Variants in TRIM71 observed in about 807,000 individuals in gnomAD.
TRIM71 encodes the protein E3 ubiquitin-protein ligase TRIM71.
In TRIM71, 9 loss-of-function variants were observed where a neutral mutation model predicts 61.2. That is an observed-to-expected ratio of 0.15 (90% CI 0.09 to 0.26). The LOEUF (loss-of-function observed/expected upper bound fraction) is 0.26. Ranked by LOEUF, TRIM71 falls within the 10% of genes least tolerant of loss-of-function variation. The pLI is 1.00. For missense variants in TRIM71, 998 were observed against 1,238.7 expected, an observed-to-expected ratio of 0.81 and a Z score of 2.92; for synonymous variants, 645 against 553.2, an observed-to-expected ratio of 1.17 and a Z score of -2.33.
rs369755706 is a variant in TRIM71, at chr3:32,827,268, C to CTTTTTT, written c.852+8345_852+8350dup. Among the ~76,000 whole-genome samples the CTTTTTT allele has an allele frequency of 3.9e-5, 5 of 129,708 alleles. 1 individual carries two copies. Among genetic ancestry groups the CTTTTTT allele is most frequent in the South Asian group, 2.5e-4 (1 of 3,922 alleles). 85.1% of individuals were successfully genotyped at this position (129,708 alleles called of 152,430 possible). On this transcript the variant is annotated intron_variant, in intron 1 of 3. Coordinates refer to ENST00000383763, the MANE Select transcript of TRIM71 (RefSeq NM_001039111.3). Reference sequence around the variant, plus strand: ...TGTCATGAAGGGTAGGGGGATAATTCTTTTTTTTTTTTTTGGGTGGAGTCT... The same window carrying CTTTTTT: ...TGTCATGAAGGGTAGGGGGATAATTCTTTTTTTTTTTTTTTTTTTTGGGTGGAGTCT...
At chr3:32,866,803 G>A (rs1393148901) in intron 1 of TRIM71, among the ~76,000 whole-genome samples, 2 of 152,150 alleles carry the variant, frequency 1.3e-5, no homozygotes, top group African/African-American at 4.8e-5. Context: ...GCAGGGGCTT[G>A]CGAGGTGTGG....
chr3:32,868,054 A>C (rs1207791828), intron 1 of TRIM71, among the ~76,000 whole-genome samples: 1 of 152,188 alleles, frequency 6.6e-6, no homozygotes, highest in Non-Finnish European at 1.5e-5. Context: ...CAACACAACA[A>C]GACTTTTTCT....
chr3:32,842,236 T>A (rs906911516), intron 1 of TRIM71, among the ~76,000 whole-genome samples: 1 of 152,210 alleles, frequency 6.6e-6, no homozygotes, highest in Admixed American at 6.5e-5. Context: ...GGCATAATTA[T>A]TTATTGTTGG....
intron 1 of TRIM71, among the ~76,000 whole-genome samples, chr3:32,846,137 G>A (rs1430474646): frequency 2.8e-5 from 4 of 144,580 alleles, no homozygotes; most frequent in Non-Finnish European, 4.5e-5. Flanking sequence ...GTGCAGTGGC[G>A]CGATCTTGGC....
chr3:32,889,840 T>C (rs1317861285), intron 3 of TRIM71, among the ~76,000 whole-genome samples: 1 of 152,056 alleles, frequency 6.6e-6, no homozygotes, highest in Non-Finnish European at 1.5e-5. Flanking sequence ...ATCTGCCTGC[T>C]TCATCCTCCC....
At chr3:32,847,715 A>G (rs1440266636) in intron 1 of TRIM71, among the ~76,000 whole-genome samples, 2 of 152,194 alleles carry the variant, frequency 1.3e-5, no homozygotes, top group South Asian at 2.1e-4. Flanking sequence ...ATATGTGACA[A>G]ATGAATGTGC....
chr3:32,831,797 G>A (rs1036897723), intron 1 of TRIM71, among the ~76,000 whole-genome samples: 2 of 151,982 alleles, frequency 1.3e-5, no homozygotes, highest in South Asian at 4.1e-4. Context: ...TTGGCCTCCC[G>A]AAGTTCTTGG....
At chr3:32,886,230 T>C (rs1208380825) in intron 3 of TRIM71, among the ~76,000 whole-genome samples, 162 bp downstream of exon 3, 1 of 152,214 alleles carries the variant, frequency 6.6e-6, no homozygotes, top group Non-Finnish European at 1.5e-5. Flanking sequence ...AGGGGGTCCC[T>C]GGAACATTGT....
intron 1 of TRIM71, among the ~76,000 whole-genome samples, chr3:32,856,109 C>G (rs1696600541): frequency 1.3e-5 from 2 of 152,196 alleles, no homozygotes; most frequent in Non-Finnish European, 2.9e-5. Context: ...GCTCCGCCTC[C>G]TGGGTTCACA....
At chr3:32,863,195 C>CTTTTTTTT (rs11348995) in intron 1 of TRIM71, among the ~76,000 whole-genome samples, 1 of 53,714 alleles carries the variant, frequency 1.9e-5, no homozygotes, top group Admixed American at 3.0e-4. Flanking sequence ...TTAATTGAAC[C>CTTTTTTTT]TTTTTTTTTT....
intron 2 of TRIM71, among the ~76,000 whole-genome samples, chr3:32,883,719 T>C (rs528496669): frequency 1.1e-4 from 17 of 152,222 alleles, no homozygotes; most frequent in Non-Finnish European, 1.9e-4. Flanking sequence ...CCTAGTGCTT[T>C]GGTAAACATG....
Position 32,891,755 on chromosome 3 carries a change from C to T in TRIM71, c.2551C>T (p.Pro851Ser). Residue 851 changes from proline to serine, a missense_variant, in exon 4 of 4, where the codon CCC becomes TCC. Pro to Ser is a moderately conservative substitution (Grantham distance 74). This residue lies in a region of TRIM71 where 95 missense variants were observed against 159.0 expected (regional missense o/e 0.60). Transcript: ENST00000383763. This position sits in a 1 kb window ranked among gnomAD's most constrained non-coding sequence, Gnocchi z 8.2. ...CCGCCCTTCCGGCATCGCCATCACC[C>T]CCGACGGAATGATCGTTGTGGTGGA... ...MDRPSGIAIT[P>S]DGMIVVVDFG... 1 of 1,614,148 alleles carries T rather than the reference C, an allele frequency of 6.2e-7. No homozygotes were observed. The highest frequency in any genetic ancestry group is 8.5e-7 in the Non-Finnish European group (1 of 1,180,048).
chr3:32,837,361 A>C (rs1696346133), intron 1 of TRIM71, among the ~76,000 whole-genome samples: 1 of 152,204 alleles, frequency 6.6e-6, no homozygotes, highest in African/African-American at 2.4e-5. Flanking sequence ...GTGGCCTTTT[A>C]GTACAAATCT....
chr3:32,864,384 C>G (rs956869955), intron 1 of TRIM71, among the ~76,000 whole-genome samples: 11 of 152,114 alleles, frequency 7.2e-5, no homozygotes, highest in Middle Eastern at 6.3e-3. Flanking sequence ...GCAGAGCCTT[C>G]AGGAAATGTG....
rs779216635 is a variant in TRIM71 at position 32,818,770 on chromosome 3, G to A, written c.690G>A (p.Val230=). 2.5e-6 allele frequency: 4 copies of A among 1,607,312 alleles called. No individual in the cohort carries two copies. The East Asian group carries it at 8.9e-5, about 36-fold the overall frequency. The change falls in exon 1 of 4, where the codon GTG becomes GTA. Residue 230 remains valine, a synonymous_variant. Transcript: ENST00000383763. ...CDNCVRAHQR[V]RLTKDHYIER... Reference sequence around the variant, plus strand: ...ACTGCGTCCGAGCGCACCAGCGCGTGCGCCTCACCAAGGACCACTACATCG... The same window carrying A: ...ACTGCGTCCGAGCGCACCAGCGCGTACGCCTCACCAAGGACCACTACATCG...
chr3:32,896,844 T>G lies in TRIM71; in HGVS notation c.*5033T>G, dbSNP rs1446901938. On this transcript the variant is annotated 3_prime_UTR_variant, in exon 4 of 4. Coordinates refer to ENST00000383763, the MANE Select transcript of TRIM71 (RefSeq NM_001039111.3). ...CTGAATGTTGATGTGTGTAGCAAAG[T>G]GTTTACTTTCTTTAAATAACCAGCT... is the stretch of plus-strand genomic sequence containing the variant. 1 of 152,220 alleles carries G rather than the reference T, an allele frequency of 6.6e-6. No homozygotes were observed. The highest frequency in any genetic ancestry group is 2.4e-5 in the African/African-American group (1 of 41,442). 9.4% of individuals were successfully genotyped at this position (152,220 alleles called of 1,614,324 possible).
At chr3:32,841,936 A>G (rs1399507163) in intron 1 of TRIM71, among the ~76,000 whole-genome samples, 4 of 152,306 alleles carry the variant, frequency 2.6e-5, no homozygotes, top group East Asian at 1.9e-4. Flanking sequence ...TGCATGTGCC[A>G]CAGTGCTCAG....
chr3:32,835,417 G>C (rs1696323572), intron 1 of TRIM71, among the ~76,000 whole-genome samples: 1 of 152,174 alleles, frequency 6.6e-6, no homozygotes, highest in African/African-American at 2.4e-5. Flanking sequence ...GAACAGAAAA[G>C]AGGAACCCGG....
chr3:32,858,990 GTGGATGGTGAGGCTCTGCCCC>G (rs1696636441), intron 1 of TRIM71, among the ~76,000 whole-genome samples: 1 of 152,122 alleles, frequency 6.6e-6, no homozygotes, highest in Non-Finnish European at 1.5e-5. Flanking sequence ...ATCTGATGGG[GTGGATGGTGAGGCTCTGCCCC>G]TCACCACTTT....
Sources: allele counts gnomAD v4.1 joint callset (sites outside exome capture counted in the v4.1 genomes callset), GRCh38; gene constraint gnomAD v4.1.1; regional missense constraint gnomAD v4.1.1; non-coding constraint Gnocchi (gnomAD v3.1); transcripts MANE v1.5; gene names NCBI Gene and HGNC (gene_info 2026-07-23, HGNC 2026-07-21).